Variants in CSRNP3 observed in about 807,000 individuals in gnomAD.
CSRNP3 encodes the protein cysteine and serine rich nuclear protein 3.
CSRNP3 carries 12 observed loss-of-function variants against 48.0 expected under a neutral mutation model. The ratio of observed to expected loss-of-function variants is 0.25; its 90% CI spans 0.16 to 0.41. The LOEUF (loss-of-function observed/expected upper bound fraction) is 0.41. Ranked by LOEUF, CSRNP3 falls within the 10% of genes least tolerant of loss-of-function variation. The probability of loss-of-function intolerance (pLI) is 1.00; values close to 1 mark genes in which losing one functional copy is unlikely to be tolerated. For missense variants in CSRNP3, 580 were observed against 724.4 expected, an observed-to-expected ratio of 0.80 and a Z score of 2.29; for synonymous variants, 263 against 269.7, an observed-to-expected ratio of 0.98 and a Z score of 0.24.
intron 5 of CSRNP3, among the ~76,000 whole-genome samples, chr2:165,674,326 C>T (rs1308905202): frequency 2.6e-5 from 4 of 151,958 alleles, no homozygotes; most frequent in Non-Finnish European, 2.9e-5. Context: ...TACAGCTTTA[C>T]CTATCACAGA....
intron 3 of CSRNP3, among the ~76,000 whole-genome samples, chr2:165,538,289 C>G (rs1684907592): frequency 6.6e-6 from 1 of 151,878 alleles, no homozygotes; most frequent in Non-Finnish European, 1.5e-5. Context: ...TACATACCAC[C>G]CTGTCTCTAA....
At chr2:165,677,091 T>A (rs141310291) in intron 6 of CSRNP3, among the ~76,000 whole-genome samples, 2 of 152,340 alleles carry the variant, frequency 1.3e-5, no homozygotes, top group African/African-American at 4.8e-5. Flanking sequence ...GCCAACTATA[T>A]GAAATTGGCA....
chr2:165,599,283 G>GAGAGAA (rs1553478328), intron 4 of CSRNP3, among the ~76,000 whole-genome samples: 35 of 104,830 alleles, frequency 3.3e-4, no homozygotes, highest in East Asian at 1.9e-3. Context: ...AAGAGAGAGA[G>GAGAGAA]AGAAAGAAAG....
At chr2:165,635,438 T>G (rs1686611765) in intron 4 of CSRNP3, among the ~76,000 whole-genome samples, 1 of 152,170 alleles carries the variant, frequency 6.6e-6, no homozygotes, top group South Asian at 2.1e-4. Context: ...ACCCTTACCC[T>G]CCTTCCCAGA....
rs1687425328 is a variant in CSRNP3 at position 165,676,383 on chromosome 2, C to T, written c.480C>T (p.Asp160=). 1 of 1,613,972 alleles carries T rather than the reference C, an allele frequency of 6.2e-7. No individual in the cohort carries two copies. Among genetic ancestry groups the T allele is most frequent in the Non-Finnish European group, 8.5e-7 (1 of 1,179,834 alleles). The part of the protein sequence containing the change: ...TLTLDDISDD[D]IDLDNTEVDE... ...CACTGGATGACATTTCTGATGATGA[C>T]ATTGACCTGGACAACACAGAGGTAG... Residue 160 remains aspartate, a synonymous_variant, in exon 6 of 7, where the codon GAC becomes GAT. Transcript: ENST00000651982.
At chr2:165,662,078 A>G (rs1687106578) in intron 5 of CSRNP3, among the ~76,000 whole-genome samples, 2 of 152,194 alleles carry the variant, frequency 1.3e-5, no homozygotes, top group South Asian at 2.1e-4. Flanking sequence ...AAAGAAATAC[A>G]TGCATATACA....
At chr2:165,550,291 T>G (rs1402314647) in intron 3 of CSRNP3, among the ~76,000 whole-genome samples, 1 of 152,182 alleles carries the variant, frequency 6.6e-6, no homozygotes, top group Non-Finnish European at 1.5e-5. Flanking sequence ...TAGAATATTA[T>G]TATAAATAAG....
intron 4 of CSRNP3, among the ~76,000 whole-genome samples, chr2:165,629,465 G>T (rs1277358518): frequency 1.3e-5 from 2 of 152,178 alleles, no homozygotes; most frequent in East Asian, 1.9e-4. Flanking sequence ...CGGAGGTAAA[G>T]CTCCCATGGT....
rs532297289 is a variant in CSRNP3 at position 165,672,867 on chromosome 2, C to T, written c.409-3445C>T. ...AATGGGCACAGACTGGAAGAAAAGA[C>T]TGGGGAAGGACTTCAAGGGGATAGC... is the stretch of plus-strand genomic sequence containing the variant. On this transcript the variant is annotated intron_variant, in intron 5 of 6. Coordinates refer to ENST00000651982, the MANE Select transcript of CSRNP3 (RefSeq NM_001172173.2). Among the ~76,000 whole-genome samples the T allele has an allele frequency of 2.0e-5, 3 of 152,232 alleles. No individual in the cohort carries two copies. The East Asian group carries it at 5.8e-4, about 29-fold the overall frequency.
At chr2:165,637,231 G>A (rs1439010855) in intron 4 of CSRNP3, among the ~76,000 whole-genome samples, 1 of 152,324 alleles carries the variant, frequency 6.6e-6, no homozygotes, top group East Asian at 1.9e-4. Flanking sequence ...ACATGACTAG[G>A]CCTGTCACTA....
In CSRNP3 at chr2:165,583,355, A is replaced by T. The variant is rs922074250; in HGVS notation, c.-23-11688A>T. On this transcript the variant is annotated intron_variant, in intron 3 of 6. Transcript: ENST00000651982. ...TAAAAGTCATGCCTTCCAACAAACA[A>T]TTACATTCAATATGGCTTTGAAAGG... Among the ~76,000 whole-genome samples, 4 of 152,324 alleles carry T rather than the reference A, an allele frequency of 2.6e-5. 1 individual carries two copies. The highest frequency in any genetic ancestry group is 6.5e-5 in the Admixed American group (1 of 15,302).
chr2:165,642,956 A>G (rs918697467), intron 4 of CSRNP3, among the ~76,000 whole-genome samples: 2 of 152,218 alleles, frequency 1.3e-5, no homozygotes, highest in African/African-American at 4.8e-5. Context: ...TACATGCAGG[A>G]AAAAGAGAAG....
intron 6 of CSRNP3, among the ~76,000 whole-genome samples, chr2:165,677,149 G>T (rs772628512): frequency 4.6e-5 from 7 of 152,180 alleles, no homozygotes; most frequent in Non-Finnish European, 1.0e-4. Context: ...TGAAGGAACC[G>T]AACTAGGTCA....
intron 1 of CSRNP3, among the ~76,000 whole-genome samples, chr2:165,480,218 G>C (rs115841158): frequency 0.01 from 1,526 of 152,256 alleles, 19 homozygotes; most frequent in African/African-American, 0.035. Flanking sequence ...CTGACTTCTA[G>C]ACCTTGATTT....
At chr2:165,549,850 A>G (rs1685075917) in intron 3 of CSRNP3, among the ~76,000 whole-genome samples, 2 of 152,184 alleles carry the variant, frequency 1.3e-5, no homozygotes, top group African/African-American at 4.8e-5. Flanking sequence ...TCACATTTGT[A>G]TTGATGTCTA....
chr2:165,521,753 G>C (rs926466323), intron 3 of CSRNP3, among the ~76,000 whole-genome samples: 2 of 152,138 alleles, frequency 1.3e-5, no homozygotes, highest in African/African-American at 4.8e-5. Context: ...GGAGAGAGCT[G>C]TCCTTTGCAA....
intron 2 of CSRNP3, among the ~76,000 whole-genome samples, chr2:165,513,661 C>T (rs1370490952): frequency 6.6e-6 from 1 of 152,206 alleles, no homozygotes; most frequent in Admixed American, 6.5e-5. Flanking sequence ...TGCTGGCTGG[C>T]TTGGCTGCTG....
rs1467347748 is a variant in CSRNP3, at chr2:165,680,419, T to A, written c.*666T>A. 2 of 152,626 alleles carry A rather than the reference T, an allele frequency of 1.3e-5. No individual in the cohort carries two copies. The highest frequency in any genetic ancestry group is 2.9e-5 in the Non-Finnish European group (2 of 68,100). 9.5% of individuals were successfully genotyped at this position (152,626 alleles called of 1,614,324 possible). ...GCCTATTTTTGCTATTTTGGACAAA[T>A]AAATGATTCTATATGTGCAGGTCCT... On this transcript the variant is annotated 3_prime_UTR_variant, in exon 7 of 7. Transcript: ENST00000651982.
intron 4 of CSRNP3, among the ~76,000 whole-genome samples, chr2:165,656,237 G>T (rs937074011): frequency 1.6e-4 from 24 of 152,120 alleles, no homozygotes; most frequent in Admixed American, 2.6e-4. Context: ...CTACAGACCT[G>T]GGTTACTTCA....
Sources: allele counts gnomAD v4.1 joint callset (sites outside exome capture counted in the v4.1 genomes callset), GRCh38; gene constraint gnomAD v4.1.1; transcripts MANE v1.5; gene names NCBI Gene and HGNC (gene_info 2026-07-23, HGNC 2026-07-21).